The following TNS1 variants were observed in gnomAD, a reference collection of about 807,000 sequenced individuals.
TNS1 encodes the protein tensin 1.
A neutral mutation model predicts 168.6 loss-of-function variants in TNS1; 62 were observed. That is an observed-to-expected ratio of 0.37 (90% CI 0.30 to 0.45). The LOEUF is 0.45. Ranked by LOEUF, TNS1 falls within the 20% of genes least tolerant of loss-of-function variation. The pLI, the probability that TNS1 is intolerant of heterozygous loss-of-function variation, is 1.00. For synonymous variants in TNS1, 934 were observed against 933.2 expected (o/e 1.00, Z -0.02); for missense variants, 2,240 against 2,339.4 (o/e 0.96, Z 0.88).
intron 4 of TNS1, among the ~76,000 whole-genome samples, chr2:217,918,504 G>C (rs16858459): frequency 0.078 from 11,938 of 152,224 alleles, 959 homozygotes; most frequent in East Asian, 0.21. Context: ...GCTCAGGCAC[G>C]AGTCTCTTCT....
At position 217,995,958 on chromosome 2, in the gene TNS1, A is replaced by C. The variant is rs1958461507; in HGVS notation, c.34-4902T>G. Among the ~76,000 whole-genome samples the C allele has an allele frequency of 6.6e-6, 1 of 152,086 alleles. No homozygotes were observed. Among genetic ancestry groups the C allele is most frequent in the East Asian group, 1.9e-4 (1 of 5,182 alleles). ...TCCCTTCCCTCCTTCCATGCAGCCC[A>C]GCTTTCCTGCCCGGGCCGCTCAGCC... On this transcript the variant is annotated intron_variant, in intron 1 of 32. Transcript: ENST00000682258. The surrounding 1 kb of genome is among the most constrained non-coding windows in gnomAD (Gnocchi z 4.1).
intron 28 of TNS1, among the ~76,000 whole-genome samples, chr2:217,811,607 A>T (rs546431840): frequency 6.6e-6 from 1 of 152,204 alleles, no homozygotes; most frequent in South Asian, 2.1e-4. Flanking sequence ...CCGTTCCGAG[A>T]CCTTGCACTG....
intron 19 of TNS1, among the ~76,000 whole-genome samples, chr2:217,847,176 C>T (rs1946764081): frequency 1.3e-5 from 2 of 152,236 alleles, no homozygotes; most frequent in East Asian, 1.9e-4. Context: ...GTAAGCTTTG[C>T]TTTCCCAGGC....
chr2:217,903,539 A>C (rs1953274515), intron 6 of TNS1: 2 of 1,518,092 alleles, frequency 1.3e-6, no homozygotes, highest in Middle Eastern at 1.7e-4. Flanking sequence ...CTCAAGACAC[A>C]GGTTGATTAC....
chr2:217,900,009 G>A (rs78036663), intron 7 of TNS1, among the ~76,000 whole-genome samples: 1,642 of 152,182 alleles, frequency 0.011, 21 homozygotes, highest in African/African-American at 0.038. Flanking sequence ...AGCCAGATAG[G>A]GAACTTCCCT....
intron 22 of TNS1, 37 bp from the exon 23 acceptor site, chr2:217,821,975 A>G: frequency 6.5e-7 from 1 of 1,547,084 alleles, no homozygotes; most frequent in Non-Finnish European, 8.7e-7. Context: ...CTGAGCACAG[A>G]TGCACAGGGG....
chr2:218,023,638 C>T lies in TNS1; in HGVS notation c.156+10182G>A, dbSNP rs572788553. Reference sequence around the variant, plus strand: ...ATGCTGGGAACTTTACATACCTTACCCACCTTAATGATCTCACTAACCCTG... The same window carrying T: ...ATGCTGGGAACTTTACATACCTTACTCACCTTAATGATCTCACTAACCCTG... On this transcript the variant is annotated intron_variant, in intron 1 of 1. Coordinates refer to the TNS1 transcript ENST00000649572. 4.7e-4 allele frequency among the ~76,000 whole-genome samples: 71 copies of T among 152,290 alleles called. 2 individuals carry two copies. In the South Asian group the frequency reaches 0.014, roughly 30 times the overall value.
rs150702291 is a variant in TNS1 at position 217,818,706 on chromosome 2, G to A, written c.3626C>T (p.Thr1209Met). 1.1e-4 allele frequency: 170 copies of A among 1,614,100 alleles called. No homozygotes were observed. In the African/African-American group the frequency reaches 1.2e-3, roughly 11 times the overall value. ...SGESSDQGPR[T>M]PTQPLLESGF... The stretch of plus-strand genomic sequence containing the variant: ...AGACTCCAACAGAGGCTGGGTGGGC[G>A]TCCGGGGACCCTGGTCACTGCTCTC... The change falls in exon 24 of 33, where the codon ACG becomes ATG. Residue 1209 changes from threonine to methionine, a missense_variant. Physicochemically the swap from Thr to Met is moderately conservative, Grantham distance 81. Around this residue, in one of 2 missense-constraint regions of TNS1, gnomAD observed 2,131 missense variants for 2,171.2 expected, o/e 0.98. Transcript: ENST00000682258.
At chr2:217,884,771 G>T (rs1423280770) in intron 16 of TNS1, among the ~76,000 whole-genome samples, 3 of 152,170 alleles carry the variant, frequency 2.0e-5, no homozygotes, top group Non-Finnish European at 4.4e-5. Flanking sequence ...GAGAGACAGG[G>T]AAAGTCATAG....
chr2:218,004,374 C>A (rs74555097), upstream of TNS1, among the ~76,000 whole-genome samples: 5,133 of 152,250 alleles, frequency 0.034, 222 homozygotes, highest in East Asian at 0.17. Flanking sequence ...TGCCTCCCCC[C>A]CCCACTCACC....
intron 18 of TNS1, chr2:217,858,464 G>A: frequency 1.0e-6 from 1 of 959,746 alleles, no homozygotes; most frequent in Non-Finnish European, 1.2e-6. Context: ...ACACTCACAG[G>A]CAAAACAACT....
intron 3 of TNS1, chr2:217,937,235 A>G: frequency 1.1e-5 from 4 of 355,946 alleles, no homozygotes; most frequent in South Asian, 8.3e-5. Context: ...TTCCAGCCTC[A>G]TACCCAGCAC....
intron 3 of TNS1, among the ~76,000 whole-genome samples, chr2:217,954,537 T>C (rs1957314334): frequency 6.6e-6 from 1 of 152,178 alleles, no homozygotes. Flanking sequence ...AACCGAGCTT[T>C]GAAGAGGGTG....
At chr2:217,835,494 T>C (rs1235753245) in intron 20 of TNS1, among the ~76,000 whole-genome samples, 1 of 152,212 alleles carries the variant, frequency 6.6e-6, no homozygotes, top group East Asian at 1.9e-4. Flanking sequence ...CCCATCCAGA[T>C]CTACTACCCT....
intron 18 of TNS1, among the ~76,000 whole-genome samples, chr2:217,875,288 G>A (rs753436907): frequency 6.6e-6 from 1 of 152,132 alleles, no homozygotes; most frequent in Non-Finnish European, 1.5e-5. Flanking sequence ...TGTCACTGTG[G>A]CATAATTGAG....
chr2:217,940,828 T>C (rs924108615), intron 3 of TNS1, among the ~76,000 whole-genome samples: 2 of 152,060 alleles, frequency 1.3e-5, no homozygotes, highest in African/African-American at 4.8e-5. Context: ...CCGGAAGCAC[T>C]CACGGGCACT....
chr2:217,886,177 G>T, intron 13 of TNS1, 73 bp from the exon 14 acceptor site: 1 of 1,500,478 alleles, frequency 6.7e-7, no homozygotes, highest in Non-Finnish European at 9.2e-7. Flanking sequence ...AGACAGTGAA[G>T]GGAGAAAGAG....
intron 31 of TNS1, 96 bp from the exon 32 acceptor site, chr2:217,808,203 A>G (rs1939571835): frequency 6.8e-7 from 1 of 1,460,676 alleles, no homozygotes; most frequent in African/African-American, 1.4e-5. Context: ...AGGTCTGGGG[A>G]GAGGAGCTGC....
chr2:217,821,692 C>A, intron 23 of TNS1, 48 bp downstream of exon 23: 1 of 1,405,798 alleles, frequency 7.1e-7, no homozygotes, highest in South Asian at 1.7e-5. Flanking sequence ...CCGTCCCAGT[C>A]CCAGGCCCGG....
Sources: allele counts gnomAD v4.1 joint callset (sites outside exome capture counted in the v4.1 genomes callset), GRCh38; gene constraint gnomAD v4.1.1; regional missense constraint gnomAD v4.1.1; non-coding constraint Gnocchi (gnomAD v3.1); transcripts MANE v1.5; gene names NCBI Gene and HGNC (gene_info 2026-07-23, HGNC 2026-07-21).